The following TTC13 variants were observed in gnomAD, a reference collection of about 807,000 sequenced individuals.
TTC13 encodes tetratricopeptide repeat domain 13.
TTC13 carries 62 observed loss-of-function variants against 120.0 expected under a neutral mutation model. The ratio of observed to expected loss-of-function variants is 0.52; its 90% CI spans 0.42 to 0.64. The LOEUF (loss-of-function observed/expected upper bound fraction) is 0.64, where lower values mean the gene tolerates loss of function less well. Ranked by LOEUF, TTC13 falls within the 30% of genes least tolerant of loss-of-function variation. The pLI, the probability that TTC13 is intolerant of heterozygous loss-of-function variation, is 0.00. For missense variants in TTC13, 824 were observed against 1,050.2 expected (o/e 0.78, Z 2.98); for synonymous variants, 384 against 393.5 (o/e 0.98, Z 0.28).
At position 230,940,740 on chromosome 1, in the gene TTC13, C is replaced by T. The variant is rs1208638705; in HGVS notation, c.673-184G>A. ...GTCAACCAGCTGAGGTGCCACTAAT[C>T]TTTGTCCAGTCAAGCAGGAGGCTGA... is the stretch of plus-strand genomic sequence containing the variant. On this transcript the variant is annotated intron_variant, in intron 6 of 22. Transcript: ENST00000366661. This position sits in a 1 kb window ranked among gnomAD's most constrained non-coding sequence, Gnocchi z 4.1. Among the ~76,000 whole-genome samples, 1 of 152,174 alleles carries T rather than the reference C, an allele frequency of 6.6e-6. No individual in the cohort carries two copies.
chr1:230,910,590 T>G (rs992802236), intron 20 of TTC13, among the ~76,000 whole-genome samples: 4 of 152,236 alleles, frequency 2.6e-5, no homozygotes, highest in Non-Finnish European at 5.9e-5. Flanking sequence ...CTGCACGTCC[T>G]TCAATGTCAC....
intron 3 of TTC13, 22 bp downstream of exon 3, chr1:230,958,202 T>C: frequency 6.2e-7 from 1 of 1,605,394 alleles, no homozygotes; most frequent in Non-Finnish European, 8.5e-7. Context: ...ATTACAGGAA[T>C]ATTACCAGAT....
intron 20 of TTC13, 76 bp from the exon 21 acceptor site, chr1:230,909,096 C>T: frequency 8.4e-7 from 1 of 1,186,488 alleles, no homozygotes; most frequent in Non-Finnish European, 1.2e-6. Flanking sequence ...CCATGGACTT[C>T]CCATCATGAA....
Position 230,906,842 on chromosome 1 carries a change from T to C in TTC13, c.*63A>G, listed in dbSNP as rs1670977064. On this transcript the variant is annotated 3_prime_UTR_variant, in exon 23 of 23. Transcript: ENST00000366661. ...ACCTAATTTCTTTATAATTCCATGT[T>C]TTAAAAAATAACTTAAGAAGCAAGA... is the stretch of plus-strand genomic sequence containing the variant. 1 of 757,584 alleles carries C rather than the reference T, an allele frequency of 1.3e-6. No homozygotes were observed. The highest frequency in any genetic ancestry group is 4.1e-5 in the South Asian group (1 of 24,098). The allele number at this position is 757,584 out of a possible 1,614,324, so 46.9% of individuals were successfully genotyped here.
chr1:230,967,111 CTG>C (rs1462626705), intron 1 of TTC13, among the ~76,000 whole-genome samples: 1 of 152,090 alleles, frequency 6.6e-6, no homozygotes, highest in Admixed American at 6.5e-5. Context: ...CAGCTGGTAA[CTG>C]TATTATCTGC....
intron 9 of TTC13, among the ~76,000 whole-genome samples, chr1:230,933,458 G>A (rs890344538): frequency 6.6e-6 from 1 of 152,060 alleles, no homozygotes; most frequent in African/African-American, 2.4e-5. Flanking sequence ...CTTAGTTACT[G>A]TCTAAGAAAG....
At chr1:230,939,748 A>G (rs1674379916) in intron 7 of TTC13, among the ~76,000 whole-genome samples, 1 of 152,234 alleles carries the variant, frequency 6.6e-6, no homozygotes. Flanking sequence ...TCAACTACAA[A>G]AAAATTTATC....
intron 3 of TTC13, chr1:230,956,592 TA>T: frequency 2.6e-6 from 1 of 391,126 alleles, no homozygotes; most frequent in Non-Finnish European, 4.9e-6. Context: ...CAATGAGCCA[TA>T]AAAACAAATA....
In TTC13 at chr1:230,920,496, G is replaced by C. The variant is rs950835992; in HGVS notation, c.1983+14C>G. On this transcript the variant is annotated intron_variant, in intron 17 of 22. Transcript: ENST00000366661. ...CTCTAAAAACATGGACTGCCATTCTGATGCTAAAGTTACCTTCATAATCGG... is the reference window on the plus strand; with the variant it reads ...CTCTAAAAACATGGACTGCCATTCTCATGCTAAAGTTACCTTCATAATCGG... The C allele has an allele frequency of 1.9e-6, 3 of 1,596,778 alleles. No homozygotes were observed. Among genetic ancestry groups the C allele is most frequent in the Admixed American group, 3.4e-5 (2 of 59,668 alleles).
intron 17 of TTC13, among the ~76,000 whole-genome samples, chr1:230,918,621 AG>A (rs1395804780): frequency 6.6e-6 from 1 of 152,178 alleles, no homozygotes; most frequent in African/African-American, 2.4e-5. Context: ...GAGAAGGTTG[AG>A]GGGCACTGTG....
At chr1:230,932,013 G>T in intron 9 of TTC13, 136 bp from the exon 10 acceptor site, 1 of 739,962 alleles carries the variant, frequency 1.4e-6, no homozygotes, top group Admixed American at 2.8e-5. Flanking sequence ...CTTTTTTATA[G>T]CCTCTGACAC....
chr1:230,936,609 A>T (rs1011339411), intron 8 of TTC13: 2 of 191,790 alleles, frequency 1.0e-5, no homozygotes, highest in African/African-American at 4.7e-5. Flanking sequence ...AAAATGCCTG[A>T]TATAACCCCT....
rs181332182 is a variant in TTC13 at position 230,969,870 on chromosome 1, T to C, written c.272-8567A>G. On this transcript the variant is annotated intron_variant, in intron 1 of 22. Coordinates refer to ENST00000366661, the MANE Select transcript of TTC13 (RefSeq NM_024525.5). ...TAAATGTTAGTATAGGCTTATAGGC[T>C]AAAATCGCAGTGTTTTTTTGTTAAA... 1.5e-3 allele frequency among the ~76,000 whole-genome samples: 223 copies of C among 152,362 alleles called. 1 individual carries two copies. The highest frequency in any genetic ancestry group is 4.9e-3 in the African/African-American group (205 of 41,580).
Position 230,933,760 on chromosome 1 carries a change from C to A in TTC13, c.983+19G>T. The A allele has an allele frequency of 1.4e-6, 2 of 1,463,906 alleles. No individual in the cohort carries two copies. The highest frequency in any genetic ancestry group is 1.9e-6 in the Non-Finnish European group (2 of 1,061,402). The allele number at this position is 1,463,906 out of a possible 1,614,324, so 90.7% of individuals were successfully genotyped here. On this transcript the variant is annotated intron_variant, in intron 9 of 22. Transcript: ENST00000366661. ...CTCTTCAGCCTCCCTCCTACCCCAA[C>A]TGTTATTATTTTACTCACCTATATG...
At chr1:230,925,731 T>C (rs781645059) in intron 12 of TTC13, 84 bp from the exon 13 acceptor site, 98 of 1,503,266 alleles carry the variant, frequency 6.5e-5, no homozygotes, top group Non-Finnish European at 8.4e-5. Context: ...AGTCACTTCC[T>C]CCACGGGAAA....
At position 230,942,665 on chromosome 1, in the gene TTC13, C is replaced by A. The variant is rs542484103; in HGVS notation, c.672+1141G>T. Among the ~76,000 whole-genome samples, 13 of 152,322 alleles carry A rather than the reference C, an allele frequency of 8.5e-5. No individual in the cohort carries two copies. The South Asian group carries it at 1.5e-3, about 17-fold the overall frequency. The stretch of plus-strand genomic sequence containing the variant: ...TTTATTCAGACTAAATACATTAACA[C>A]ATATGAAGCCTAGATAGCTTATTAT... On this transcript the variant is annotated intron_variant, in intron 6 of 22. Transcript: ENST00000366661. The surrounding 1 kb of genome is among the most constrained non-coding windows in gnomAD (Gnocchi z 4.0).
At chr1:230,913,205 C>G (rs1055019958) in intron 18 of TTC13, among the ~76,000 whole-genome samples, 3 of 152,282 alleles carry the variant, frequency 2.0e-5, no homozygotes, top group Middle Eastern at 3.4e-3. Flanking sequence ...AAAAGTGGAG[C>G]TGAAGCTCCA....
Position 230,940,623 on chromosome 1 carries a change from A to T in TTC13, c.673-67T>A, listed in dbSNP as rs1674448014. The stretch of plus-strand genomic sequence containing the variant: ...CAACCCTAAAATCCCAATGTTTTTG[A>T]CTCTTCAATTCCACCTCACCATACT... On this transcript the variant is annotated intron_variant, in intron 6 of 22. Transcript: ENST00000366661. This position sits in a 1 kb window ranked among gnomAD's most constrained non-coding sequence, Gnocchi z 4.1. 1 of 1,016,200 alleles carries T rather than the reference A, an allele frequency of 9.8e-7. No individual in the cohort carries two copies. Among genetic ancestry groups the T allele is most frequent in the Non-Finnish European group, 1.5e-6 (1 of 650,794 alleles). 62.9% of individuals were successfully genotyped at this position (1,016,200 alleles called of 1,614,324 possible).
chr1:230,977,513 G>A (rs1164366143), intron 1 of TTC13, among the ~76,000 whole-genome samples: 1 of 152,108 alleles, frequency 6.6e-6, no homozygotes, highest in Non-Finnish European at 1.5e-5. Context: ...CTCAGTGAGT[G>A]ACACTTCCTC....
Sources: allele counts gnomAD v4.1 joint callset (sites outside exome capture counted in the v4.1 genomes callset), GRCh38; gene constraint gnomAD v4.1.1; non-coding constraint Gnocchi (gnomAD v3.1); transcripts MANE v1.5; gene names NCBI Gene and HGNC (gene_info 2026-07-23, HGNC 2026-07-21).